MAP3K21: variants seen among roughly 807,000 people sequenced by gnomAD.
The protein encoded by MAP3K21 is mitogen-activated protein kinase kinase kinase 21.
Under a neutral mutation model 86.1 loss-of-function variants are expected in MAP3K21, and 63 were observed. The observed-to-expected ratio is 0.73, with a 90% CI of 0.60 to 0.90. The LOEUF is 0.90. Among genes scored for constraint, MAP3K21 ranks in the 40% least tolerant of loss-of-function variants. The probability of loss-of-function intolerance (pLI) is 0.00; values close to 1 mark genes in which losing one functional copy is unlikely to be tolerated. For synonymous variants in MAP3K21, 558 were observed against 564.8 expected (o/e 0.99, Z 0.17); for missense variants, 1,220 against 1,367.7 (o/e 0.89, Z 1.70).
intron 3 of MAP3K21, 95 bp from the exon 4 acceptor site, chr1:233,354,741 A>G: frequency 9.8e-7 from 1 of 1,019,658 alleles, no homozygotes; most frequent in Non-Finnish European, 1.5e-6. Flanking sequence ...TGGAATGACA[A>G]ATGTTAAGTT....
chr1:233,360,164 C>T (rs1411772980), intron 4 of MAP3K21, among the ~76,000 whole-genome samples: 1 of 152,122 alleles, frequency 6.6e-6, no homozygotes, highest in African/African-American at 2.4e-5. Flanking sequence ...AATATCTTAA[C>T]AAAAAGTTTT....
intron 5 of MAP3K21, among the ~76,000 whole-genome samples, chr1:233,364,948 T>C (rs1269153780): frequency 6.6e-6 from 1 of 152,170 alleles, no homozygotes; most frequent in South Asian, 2.1e-4. Flanking sequence ...TATGGAAATT[T>C]CTATTAGAAT....
At chr1:233,359,359 A>G (rs1166726384) in intron 4 of MAP3K21, among the ~76,000 whole-genome samples, 2 of 152,142 alleles carry the variant, frequency 1.3e-5, no homozygotes. Flanking sequence ...TACAGCATTT[A>G]TGTTACCCTG....
rs1663595059 is a variant in MAP3K21 at position 233,367,243 on chromosome 1, G to A, written c.1553-4795G>A. Among the ~76,000 whole-genome samples, 3 of 152,186 alleles carry A rather than the reference G, an allele frequency of 2.0e-5. No individual in the cohort carries two copies. In the South Asian group the frequency reaches 6.2e-4, roughly 32 times the overall value. On this transcript the variant is annotated intron_variant, in intron 5 of 9. Transcript: ENST00000366624. ...TATGCGAGTGAGTAGAAGGGTGGAT[G>A]GGAGAGAGCATATAACCTCACCTGG...
chr1:233,370,943 T>A (rs899793187), intron 5 of MAP3K21, among the ~76,000 whole-genome samples: 2 of 152,206 alleles, frequency 1.3e-5, no homozygotes, highest in Admixed American at 1.3e-4. Flanking sequence ...AAGCAATCAA[T>A]CAAAGCTTAA....
In MAP3K21 at chr1:233,379,144, C is replaced by G. The variant is rs913038876; in HGVS notation, c.2138C>G (p.Ser713Cys). 6.2e-7 allele frequency: 1 copy of G among 1,614,166 alleles called. No individual in the cohort carries two copies. Among genetic ancestry groups the G allele is most frequent in the East Asian group, 2.2e-5 (1 of 44,876 alleles). Reference sequence around the variant, plus strand: ...ACTCCTACGAATAGTCTGAGTAGATCCCCCCAGAGAAAGAAAACGGAGTCA... The same window carrying G: ...ACTCCTACGAATAGTCTGAGTAGATGCCCCCAGAGAAAGAAAACGGAGTCA... Reference protein sequence around the residue: ...EMTPTNSLSRSPQRKKTESAL... With the variant: ...EMTPTNSLSRCPQRKKTESAL... The change falls in exon 9 of 10, where the codon TCC (serine) becomes TGC (cysteine). Residue 713 changes from serine (S) to cysteine (C), a missense_variant. By Grantham distance (112) the Ser-to-Cys change is moderately radical. Around this residue, in one of 5 missense-constraint regions of MAP3K21, gnomAD observed 632 missense variants for 691.3 expected, o/e 0.91. Coordinates refer to ENST00000366624, the MANE Select transcript of MAP3K21 (RefSeq NM_032435.3).
At chr1:233,336,338 C>A (rs1440062681) in intron 1 of MAP3K21, among the ~76,000 whole-genome samples, 1 of 151,938 alleles carries the variant, frequency 6.6e-6, no homozygotes, top group East Asian at 1.9e-4. Context: ...GTCAGGAGTT[C>A]AAGATCAGCC....
At chr1:233,352,104 CT>C (rs1375790515) in intron 2 of MAP3K21, among the ~76,000 whole-genome samples, 3 of 152,094 alleles carry the variant, frequency 2.0e-5, no homozygotes, top group African/African-American at 7.2e-5. Context: ...CCAGGCTGGT[CT>C]TGCACTCCTG....
chr1:233,352,489 G>C (rs966422678), intron 2 of MAP3K21, among the ~76,000 whole-genome samples: 8 of 151,702 alleles, frequency 5.3e-5, no homozygotes, highest in Non-Finnish European at 1.2e-4. Flanking sequence ...GGAGTGCAGT[G>C]GCGTGATCTC....
chr1:233,378,539 C>T (rs971514727), intron 8 of MAP3K21, among the ~76,000 whole-genome samples: 4 of 152,158 alleles, frequency 2.6e-5, no homozygotes, highest in African/African-American at 9.7e-5. Flanking sequence ...GATAATGGAG[C>T]CTGATGCATG....
chr1:233,330,334 CT>C (rs539390829), intron 1 of MAP3K21, among the ~76,000 whole-genome samples: 5 of 152,148 alleles, frequency 3.3e-5, no homozygotes, highest in Non-Finnish European at 5.9e-5. Flanking sequence ...ATTCTTAGTA[CT>C]TTGACAGACC....
chr1:233,330,627 A>C (rs1345089176), intron 1 of MAP3K21, among the ~76,000 whole-genome samples: 2 of 152,188 alleles, frequency 1.3e-5, no homozygotes, highest in Non-Finnish European at 2.9e-5. Context: ...GCCTCTTGGC[A>C]GTTGCAGCAA....
intron 5 of MAP3K21, among the ~76,000 whole-genome samples, chr1:233,368,783 G>T (rs560400096): frequency 8.5e-5 from 13 of 152,254 alleles, no homozygotes; most frequent in African/African-American, 4.8e-5. Context: ...TCAAGCACCA[G>T]CCTGATCCTG....
At chr1:233,354,212 A>G (rs1663304529) in intron 3 of MAP3K21, among the ~76,000 whole-genome samples, 1 of 152,142 alleles carries the variant, frequency 6.6e-6, no homozygotes, top group Non-Finnish European at 1.5e-5. Flanking sequence ...AAGTAGTAAC[A>G]TTTTCACTAG....
intron 1 of MAP3K21, among the ~76,000 whole-genome samples, chr1:233,339,138 CACTGATAGATGAATATTCA>C (rs1269123439): frequency 6.6e-6 from 1 of 152,024 alleles, no homozygotes; most frequent in Non-Finnish European, 1.5e-5. Flanking sequence ...TATCAAATGC[CACTGATAGATGAATATTCA>C]AATAACTGTT....
chr1:233,361,906 A>G (rs1173215432), intron 4 of MAP3K21, 147 bp from the exon 5 acceptor site: 4 of 998,202 alleles, frequency 4.0e-6, no homozygotes, highest in Admixed American at 5.7e-5. Flanking sequence ...CTGAGTGACC[A>G]GGGCTTGAGC....
chr1:233,370,800 A>G (rs905250308), intron 5 of MAP3K21, among the ~76,000 whole-genome samples: 2 of 152,218 alleles, frequency 1.3e-5, no homozygotes, highest in Admixed American at 6.5e-5. Context: ...GACCTGGTTG[A>G]TGTCTAATAT....
Position 233,353,834 on chromosome 1 carries a change from C to T in MAP3K21, c.1014C>T (p.Leu338=). ...ATGGAGTGCTGCTGTGGGAACTGCT[C>T]ACCGGAGAAGTCCCCTATCGGGGCA... is the stretch of plus-strand genomic sequence containing the variant. ...WSYGVLLWEL[L]TGEVPYRGID... The change falls in exon 3 of 10, where the codon CTC becomes CTT. Residue 338 remains leucine (L), a synonymous_variant. Transcript: ENST00000366624. 6.2e-7 allele frequency: 1 copy of T among 1,606,420 alleles called. No homozygotes were observed. Among genetic ancestry groups the T allele is most frequent in the Non-Finnish European group, 8.5e-7 (1 of 1,177,208 alleles).
chr1:233,350,248 T>G (rs1663225451), intron 2 of MAP3K21, among the ~76,000 whole-genome samples: 2 of 152,168 alleles, frequency 1.3e-5, no homozygotes, highest in South Asian at 4.2e-4. Context: ...TTTTTGTTGT[T>G]TTTTTTTCTG....
Sources: gnomAD v4.1 joint callset for allele counts (sites outside exome capture counted in the v4.1 genomes callset) on GRCh38, gnomAD v4.1.1 for gene constraint, gnomAD v4.1.1 regional missense constraint, MANE v1.5 for transcripts, NCBI Gene and HGNC (gene_info 2026-07-23, HGNC 2026-07-21) for gene names.